WDR70: variants seen among roughly 807,000 people sequenced by gnomAD.
The protein encoded by WDR70 is WD repeat domain 70, also known as WD repeat-containing protein 70.
Under a neutral mutation model 88.6 loss-of-function variants are expected in WDR70, and 53 were observed. The observed-to-expected ratio is 0.60, with a 90% CI of 0.48 to 0.75. The LOEUF is 0.75. Ranked by LOEUF, WDR70 falls within the 30% of genes least tolerant of loss-of-function variation. WDR70 has a pLI of 0.00. For missense variants in WDR70, 610 were observed against 823.2 expected, an observed-to-expected ratio of 0.74 and a Z score of 3.17; for synonymous variants, 280 against 270.0, an observed-to-expected ratio of 1.04 and a Z score of -0.36.
chr5:37,673,895 G>C (rs1746110486), intron 10 of WDR70, among the ~76,000 whole-genome samples: 1 of 151,960 alleles, frequency 6.6e-6, no homozygotes, highest in Admixed American at 6.6e-5. Context: ...GCGTTAGTTT[G>C]CTAAGGATAA....
intron 9 of WDR70, among the ~76,000 whole-genome samples, chr5:37,522,470 C>CAAA (rs1209419601): frequency 2.2e-4 from 9 of 41,298 alleles, no homozygotes; most frequent in African/African-American, 4.8e-4. Flanking sequence ...GACTCTGTCT[C>CAAA]AAAAAAAAAA....
chr5:37,542,464 A>G (rs1407067949), intron 9 of WDR70, among the ~76,000 whole-genome samples: 2 of 151,936 alleles, frequency 1.3e-5, no homozygotes, highest in African/African-American at 4.8e-5. Context: ...TATTTTTAGT[A>G]GAGACGGGGT....
At chr5:37,481,247 C>G (rs1739658654) in intron 8 of WDR70, among the ~76,000 whole-genome samples, 1 of 152,180 alleles carries the variant, frequency 6.6e-6, no homozygotes, top group Admixed American at 6.5e-5. Context: ...CTCTGCTTGG[C>G]AGTACCCCAG....
chr5:37,581,255 T>C (rs997099405), intron 9 of WDR70, among the ~76,000 whole-genome samples: 1 of 138,906 alleles, frequency 7.2e-6, no homozygotes, highest in East Asian at 1.9e-4. Context: ...TAGGGAACAC[T>C]GGTGAATGTA....
intron 9 of WDR70, among the ~76,000 whole-genome samples, chr5:37,576,941 A>C (rs13357437): frequency 6.6e-6 from 1 of 152,110 alleles, no homozygotes; most frequent in Non-Finnish European, 1.5e-5. Context: ...TAGAGTCTAC[A>C]CAACAGGAAT....
chr5:37,502,357 A>G (rs190947280), intron 8 of WDR70, among the ~76,000 whole-genome samples: 12 of 152,174 alleles, frequency 7.9e-5, no homozygotes, highest in African/African-American at 1.7e-4. Flanking sequence ...TCTTGTTCCA[A>G]TTCTTGGGAG....
chr5:37,499,623 C>G (rs1333244285), intron 8 of WDR70, among the ~76,000 whole-genome samples: 1 of 129,936 alleles, frequency 7.7e-6, no homozygotes, highest in Non-Finnish European at 1.7e-5. Flanking sequence ...CTCTCTCTCT[C>G]TCTCTCGTCT....
At chr5:37,732,205 T>TGA (rs143448639) in intron 17 of WDR70, among the ~76,000 whole-genome samples, 11 of 151,574 alleles carry the variant, frequency 7.3e-5, no homozygotes, top group African/African-American at 1.5e-4. Flanking sequence ...ATATGTCCTC[T>TGA]GAGAGAGAGA....
At chr5:37,569,590 A>G (rs1263693938) in intron 9 of WDR70, among the ~76,000 whole-genome samples, 2 of 152,136 alleles carry the variant, frequency 1.3e-5, no homozygotes, top group African/African-American at 2.4e-5. Context: ...TGCGTGCTCA[A>G]TGTTTTGATG....
intron 9 of WDR70, among the ~76,000 whole-genome samples, chr5:37,544,926 G>A (rs1320491094): frequency 1.3e-5 from 2 of 152,044 alleles, no homozygotes; most frequent in Admixed American, 1.3e-4. Context: ...AAGGAACAAT[G>A]ATTCACATAA....
At chr5:37,506,591 C>T (rs1335350852) in intron 8 of WDR70, 2 of 775,902 alleles carry the variant, frequency 2.6e-6, no homozygotes. Flanking sequence ...ATGTTAGCCA[C>T]TCTGTGTGGA....
rs578229299 is a variant in WDR70, at chr5:37,623,981, T to C, written c.1092+18743T>C. Among the ~76,000 whole-genome samples the C allele has an allele frequency of 6.6e-5, 10 of 152,314 alleles. No individual in the cohort carries two copies. The South Asian group carries it at 2.1e-3, about 32-fold the overall frequency. ...ACTGTTACGTTTTATTTGATACATA[T>C]AATGTATAGTGATCAAATCAGGGTA... On this transcript the variant is annotated intron_variant, in intron 10 of 17. Transcript: ENST00000265107.
intron 9 of WDR70, among the ~76,000 whole-genome samples, chr5:37,584,065 C>T (rs548174647): frequency 2.0e-5 from 3 of 152,288 alleles, no homozygotes; most frequent in African/African-American, 7.2e-5. Flanking sequence ...TTGATTATTT[C>T]ACTTAACTGA....
At chr5:37,456,414 A>C (rs1263880962) in intron 7 of WDR70, among the ~76,000 whole-genome samples, 1 of 152,178 alleles carries the variant, frequency 6.6e-6, no homozygotes, top group Non-Finnish European at 1.5e-5. Context: ...CATTTTAAGA[A>C]CTGGGTTCTT....
At chr5:37,509,930 G>C (rs1008982667) in intron 8 of WDR70, among the ~76,000 whole-genome samples, 1 of 151,640 alleles carries the variant, frequency 6.6e-6, no homozygotes, top group Non-Finnish European at 1.5e-5. Flanking sequence ...GTGTAGCGGT[G>C]CTTGCCTTGT....
chr5:37,494,528 T>C (rs1176822565), intron 8 of WDR70, among the ~76,000 whole-genome samples: 1 of 152,164 alleles, frequency 6.6e-6, no homozygotes. Context: ...ACACTCAGGA[T>C]TATGCTGAGA....
intron 9 of WDR70, among the ~76,000 whole-genome samples, chr5:37,591,047 A>T (rs1454328439): frequency 6.6e-6 from 1 of 152,234 alleles, no homozygotes; most frequent in Non-Finnish European, 1.5e-5. Flanking sequence ...TGATGATTAA[A>T]AAAGGAGACC....
intron 5 of WDR70, among the ~76,000 whole-genome samples, chr5:37,436,913 T>A (rs1750483304): frequency 6.6e-6 from 1 of 152,156 alleles, no homozygotes; most frequent in Non-Finnish European, 1.5e-5. Context: ...ATTCTTGAAT[T>A]TGTAATAGAC....
At chr5:37,739,720 G>A (rs761571114) in intron 17 of WDR70, among the ~76,000 whole-genome samples, 4 of 151,988 alleles carry the variant, frequency 2.6e-5, no homozygotes, top group African/African-American at 4.8e-5. Context: ...AGGTATACAC[G>A]TGCCATGGTG....
Sources: allele counts gnomAD v4.1 joint callset (sites outside exome capture counted in the v4.1 genomes callset), GRCh38; gene constraint gnomAD v4.1.1; transcripts MANE v1.5; gene names NCBI Gene and HGNC (gene_info 2026-07-23, HGNC 2026-07-21).